Variants in SLC18A1 observed in about 807,000 individuals in gnomAD.
SLC18A1 encodes solute carrier family 18 member A1.
In SLC18A1, 69 loss-of-function variants were observed where a neutral mutation model predicts 53.7. The ratio of observed to expected loss-of-function variants is 1.28; its 90% CI spans 1.06 to 1.57. SLC18A1 has a LOEUF of 1.57. Ranked by LOEUF, SLC18A1 falls within the 40% of genes most tolerant of loss-of-function variation. The pLI, the probability that SLC18A1 is intolerant of heterozygous loss-of-function variation, is 0.00. For synonymous variants in SLC18A1, 320 were observed against 248.1 expected (o/e 1.29, Z -2.72); for missense variants, 932 against 668.1 (o/e 1.40, Z -4.35).
intron 10 of SLC18A1, among the ~76,000 whole-genome samples, chr8:20,160,408 G>T (rs890449799): frequency 6.6e-6 from 1 of 151,242 alleles, no homozygotes; most frequent in Non-Finnish European, 1.5e-5. Context: ...CATTTTAGCA[G>T]TATTTTGTGC....
At chr8:20,152,989 A>C (rs1028350737) in intron 10 of SLC18A1, among the ~76,000 whole-genome samples, 1 of 152,210 alleles carries the variant, frequency 6.6e-6, no homozygotes. Flanking sequence ...CCATTTTATC[A>C]TAGCTTCTGT....
At chr8:20,162,316 G>C (rs892471815) in intron 10 of SLC18A1, among the ~76,000 whole-genome samples, 1 of 152,190 alleles carries the variant, frequency 6.6e-6, no homozygotes, top group Admixed American at 6.5e-5. Flanking sequence ...AGTGGTGCCT[G>C]GCTCACTTTT....
At chr8:20,157,136 T>C (rs561005754) in intron 10 of SLC18A1, among the ~76,000 whole-genome samples, 24 of 152,264 alleles carry the variant, frequency 1.6e-4, no homozygotes, top group African/African-American at 5.3e-4. Flanking sequence ...TAGAGGACAC[T>C]CTAGGACTAA....
intron 4 of SLC18A1, among the ~76,000 whole-genome samples, chr8:20,177,811 C>T (rs374924608): frequency 1.3e-5 from 2 of 152,158 alleles, no homozygotes; most frequent in East Asian, 3.9e-4. Flanking sequence ...TTCTCAGCAT[C>T]AATTTCCAGA....
At chr8:20,166,146 A>T (rs2071952024) in intron 8 of SLC18A1, among the ~76,000 whole-genome samples, 1 of 151,878 alleles carries the variant, frequency 6.6e-6, no homozygotes, top group Admixed American at 6.6e-5. Flanking sequence ...TAATGACAAC[A>T]TTATAAACAT....
In SLC18A1 at chr8:20,164,971, A is replaced by T. The variant is rs2071919517; in HGVS notation, c.920-7T>A. 6.2e-7 allele frequency: 1 copy of T among 1,613,800 alleles called. No homozygotes were observed. Among genetic ancestry groups the T allele is most frequent in the African/African-American group, 1.3e-5 (1 of 74,898 alleles). ...TTGGCAAAGCAGATGGACCCTGGGGAGACTGTTCTGTGAGCAGCCGTGGCT... is the reference window on the plus strand; with the variant it reads ...TTGGCAAAGCAGATGGACCCTGGGGTGACTGTTCTGTGAGCAGCCGTGGCT... On this transcript the variant is annotated splice_region_variant and splice_polypyrimidine_tract_variant and intron_variant, in intron 9 of 15. Coordinates refer to ENST00000276373, the MANE Select transcript of SLC18A1 (RefSeq NM_003053.4).
Position 20,145,710 on chromosome 8 carries a change from A to G in SLC18A1, c.*53T>C. The G allele has an allele frequency of 8.4e-7, 1 of 1,186,504 alleles. No individual in the cohort carries two copies. The highest frequency in any genetic ancestry group is 1.4e-5 in the South Asian group (1 of 72,622). The allele number at this position is 1,186,504 out of a possible 1,614,324, so 73.5% of individuals were successfully genotyped here. A position where few individuals can be genotyped will look rare whatever the true frequency, so the allele number is the denominator to read the frequency against. ...GGCTCAGCCATGGTGATCTGGTCCC[A>G]GGGAAAGAGGTGGTCACTGAGGCAT... On this transcript the variant is annotated 3_prime_UTR_variant, in exon 16 of 16. Transcript: ENST00000276373.
rs141770744 is a variant in SLC18A1, at chr8:20,178,537, A to G, written c.489-44T>C. 7.7e-4 allele frequency: 1,088 copies of G among 1,405,686 alleles called. 8 individuals are homozygous for G. The African/African-American group carries it at 0.012, about 16-fold the overall frequency. 87.1% of individuals were successfully genotyped at this position (1,405,686 alleles called of 1,614,324 possible). ...AAAAAAAGATACAATTCCAACAGGC[A>G]CTCACATACATGGACTACATTTTTA... On this transcript the variant is annotated intron_variant, in intron 3 of 15. Transcript: ENST00000276373.
Position 20,173,141 on chromosome 8 carries a change from T to A in SLC18A1, c.632-13A>T. On this transcript the variant is annotated splice_polypyrimidine_tract_variant and intron_variant, in intron 5 of 15. Transcript: ENST00000276373. ...AGCATTCCAAGACCTGCGCAGAGAG[T>A]TACAGATGCAGCTGGCCCCCTGGGG... The A allele has an allele frequency of 6.4e-7, 1 of 1,557,692 alleles. No individual in the cohort carries two copies. The highest frequency in any genetic ancestry group is 8.7e-7 in the Non-Finnish European group (1 of 1,150,742).
intron 12 of SLC18A1, chr8:20,148,542 A>AGGC: frequency 8.9e-7 from 1 of 1,126,456 alleles, no homozygotes; most frequent in Non-Finnish European, 1.2e-6. Context: ...GATAGAGAAG[A>AGGC]GGCCCCAACA....
chr8:20,147,405 A>C lies in SLC18A1; in HGVS notation c.1331-14T>G, dbSNP rs1170000977. On this transcript the variant is annotated splice_polypyrimidine_tract_variant and intron_variant, in intron 14 of 15. Transcript: ENST00000276373. ...CGGTGGATGGACCTGGGAGGGATAC[A>C]TCAAAGTCATAAGTGTCTATGGAGC... The C allele has an allele frequency of 1.2e-6, 2 of 1,600,682 alleles. No homozygotes were observed. Among genetic ancestry groups the C allele is most frequent in the East Asian group, 2.2e-5 (1 of 44,860 alleles).
At chr8:20,163,261 C>G (rs1214355958) in intron 10 of SLC18A1, among the ~76,000 whole-genome samples, 1 of 152,146 alleles carries the variant, frequency 6.6e-6, no homozygotes, top group African/African-American at 2.4e-5. Context: ...GGCCTTAATC[C>G]ATTCATGAGG....
intron 8 of SLC18A1, among the ~76,000 whole-genome samples, chr8:20,166,516 A>C (rs2071970680): frequency 6.6e-6 from 1 of 151,668 alleles, no homozygotes. Context: ...AAACACTAAG[A>C]CACAGGAAAG....
At chr8:20,171,709 C>CAT (rs2072124265) in intron 6 of SLC18A1, among the ~76,000 whole-genome samples, 1 of 143,900 alleles carries the variant, frequency 6.9e-6, no homozygotes, top group African/African-American at 2.6e-5. Context: ...TGTGTGCGCG[C>CAT]GCGTGTGTGT....
chr8:20,157,738 C>A (rs2128871417), intron 10 of SLC18A1, among the ~76,000 whole-genome samples: 1 of 152,272 alleles, frequency 6.6e-6, no homozygotes, highest in Non-Finnish European at 1.5e-5. Flanking sequence ...AACTTAGAAA[C>A]CCTACTGAAC....
chr8:20,180,952 T>C lies in SLC18A1; in HGVS notation c.13A>G (p.Ile5Val), dbSNP rs770154387. MLRT[I>V]LDAPQRLLKE... The stretch of plus-strand genomic sequence containing the variant: ...AGCAACCGCTGGGGAGCATCCAGAA[T>C]GGTCCGGAGCATGGTGATGGCCGGA... The change falls in exon 2 of 16, where the codon ATT (isoleucine) becomes GTT (valine). Residue 5 changes from isoleucine (I) to valine (V), a missense_variant. Physicochemically the swap from Ile to Val is conservative, Grantham distance 29. Transcript: ENST00000276373. The C allele has an allele frequency of 1.3e-6, 2 of 1,580,204 alleles. No homozygotes were observed. Among genetic ancestry groups the C allele is most frequent in the African/African-American group, 2.7e-5 (2 of 73,884 alleles).
At chr8:20,153,485 A>G (rs1322749921) in intron 10 of SLC18A1, among the ~76,000 whole-genome samples, 1 of 152,058 alleles carries the variant, frequency 6.6e-6, no homozygotes, top group Non-Finnish European at 1.5e-5. Context: ...AGACCATCCT[A>G]GCTAACACAG....
chr8:20,172,008 G>T (rs746358973), intron 6 of SLC18A1, among the ~76,000 whole-genome samples: 1 of 152,236 alleles, frequency 6.6e-6, no homozygotes, highest in Admixed American at 6.5e-5. Context: ...CAGGAACCTT[G>T]TATATGCAGA....
At chr8:20,158,509 G>A (rs568614630) in intron 10 of SLC18A1, among the ~76,000 whole-genome samples, 34 of 152,194 alleles carry the variant, frequency 2.2e-4, no homozygotes, top group Middle Eastern at 3.4e-3. Flanking sequence ...AAGAATGCCC[G>A]TCCCGTTCAA....
Sources: allele counts gnomAD v4.1 joint callset (sites outside exome capture counted in the v4.1 genomes callset), GRCh38; gene constraint gnomAD v4.1.1; transcripts MANE v1.5; gene names NCBI Gene and HGNC (gene_info 2026-07-23, HGNC 2026-07-21).